CSMD1: variants seen among roughly 807,000 people sequenced by gnomAD.
The protein encoded by CSMD1 is CUB and sushi domain-containing protein 1.
A neutral mutation model predicts 417.5 loss-of-function variants in CSMD1; 213 were observed. The ratio of observed to expected loss-of-function variants is 0.51; its 90% CI spans 0.46 to 0.57. The LOEUF is 0.57. CSMD1 is among the 20% of genes least tolerant of loss of function. The pLI is 0.00. For synonymous variants in CSMD1, 2,862 were observed against 1,736.8 expected (o/e 1.65, Z -16.11); for missense variants, 6,923 against 4,529.7 (o/e 1.53, Z -15.17).
At chr8:3,478,250 G>A (rs933990140) in intron 11 of CSMD1, among the ~76,000 whole-genome samples, 21 of 152,176 alleles carry the variant, frequency 1.4e-4, no homozygotes, top group African/African-American at 5.1e-4. Flanking sequence ...ATTATAAATT[G>A]TTCACGTGCG....
intron 3 of CSMD1, among the ~76,000 whole-genome samples, chr8:4,125,094 G>C (rs35237037): frequency 0.36 from 52,948 of 149,046 alleles, 9,707 homozygotes; most frequent in Non-Finnish European, 0.4. Context: ...ATTCCTTGAA[G>C]CCGGTGAGAC....
At chr8:4,062,193 G>C (rs1037209289) in intron 3 of CSMD1, among the ~76,000 whole-genome samples, 1 of 152,106 alleles carries the variant, frequency 6.6e-6, no homozygotes, top group East Asian at 1.9e-4. Context: ...ACGGGAGTGA[G>C]GAAAGGCATT....
At chr8:4,342,539 G>C (rs1800539346) in intron 3 of CSMD1, among the ~76,000 whole-genome samples, 1 of 151,978 alleles carries the variant, frequency 6.6e-6, no homozygotes, top group African/African-American at 2.4e-5. Context: ...CCTGATGTAT[G>C]ACATTTGCCC....
intron 5 of CSMD1, among the ~76,000 whole-genome samples, chr8:3,935,255 A>G (rs1159056064): frequency 6.6e-6 from 1 of 152,216 alleles, no homozygotes; most frequent in African/African-American, 2.4e-5. Context: ...GAACAGAATC[A>G]TTATATGAAA....
At chr8:3,305,043 T>C (rs1490125060) in intron 25 of CSMD1, among the ~76,000 whole-genome samples, 4 of 152,150 alleles carry the variant, frequency 2.6e-5, no homozygotes, top group Admixed American at 2.6e-4. Context: ...TAATATTTAA[T>C]TTAATTAATT....
chr8:3,988,967 G>C (rs1814537065), intron 5 of CSMD1, among the ~76,000 whole-genome samples: 1 of 152,126 alleles, frequency 6.6e-6, no homozygotes, highest in Non-Finnish European at 1.5e-5. Flanking sequence ...AAGGTTATTT[G>C]CTGAACATAG....
chr8:3,727,678 C>G (rs1316465027), intron 6 of CSMD1, among the ~76,000 whole-genome samples: 1 of 152,114 alleles, frequency 6.6e-6, no homozygotes, highest in Non-Finnish European at 1.5e-5. Flanking sequence ...AAGTTTAAAA[C>G]AGCATTATTT....
At chr8:4,408,542 A>T (rs200695674) in intron 3 of CSMD1, among the ~76,000 whole-genome samples, 3 of 152,218 alleles carry the variant, frequency 2.0e-5, no homozygotes, top group Non-Finnish European at 2.9e-5. Flanking sequence ...AGATTTTCCT[A>T]TTTAGATTTA....
chr8:4,304,637 C>T (rs977364), intron 3 of CSMD1, among the ~76,000 whole-genome samples: 115,448 of 151,992 alleles, frequency 0.76, 43,927 homozygotes, highest in East Asian at 0.85. Flanking sequence ...ATTCCCCTCA[C>T]TGCTACTCAT....
At chr8:3,651,499 G>C (rs981142779) in intron 7 of CSMD1, among the ~76,000 whole-genome samples, 1 of 152,096 alleles carries the variant, frequency 6.6e-6, no homozygotes, top group African/African-American at 2.4e-5. Flanking sequence ...CCACTTATCT[G>C]CATAGCTGGC....
chr8:3,623,926 G>A (rs947004921), intron 7 of CSMD1, among the ~76,000 whole-genome samples: 3 of 151,956 alleles, frequency 2.0e-5, no homozygotes, highest in Admixed American at 1.3e-4. Flanking sequence ...GCAGTAAGCT[G>A]AGATTGCACC....
chr8:4,973,279 C>T (rs976562249), intron 1 of CSMD1, among the ~76,000 whole-genome samples: 3 of 152,074 alleles, frequency 2.0e-5, no homozygotes, highest in Non-Finnish European at 4.4e-5. Flanking sequence ...TTATCTCATT[C>T]GCTTTAGGTA....
chr8:4,831,816 C>G (rs906639311), intron 1 of CSMD1, among the ~76,000 whole-genome samples: 6 of 152,114 alleles, frequency 3.9e-5, no homozygotes, highest in African/African-American at 1.4e-4. Context: ...ATCTCCCACC[C>G]CCTCCCCTGA....
chr8:4,592,079 T>C (rs1217285877), intron 2 of CSMD1, among the ~76,000 whole-genome samples: 1 of 152,020 alleles, frequency 6.6e-6, no homozygotes, highest in African/African-American at 2.4e-5. Flanking sequence ...CGTCTAACAG[T>C]AGGGACATGC....
At chr8:4,388,993 G>C (rs907529892) in intron 3 of CSMD1, among the ~76,000 whole-genome samples, 1 of 152,098 alleles carries the variant, frequency 6.6e-6, no homozygotes, top group African/African-American at 2.4e-5. Flanking sequence ...CATGTTCTTT[G>C]TAATTGTTCA....
rs770558747 is a variant in CSMD1 at position 2,978,707 on chromosome 8, A to C, written c.8471T>G (p.Leu2824Arg). The change falls in exon 55 of 70, where the codon CTG becomes CGG. Residue 2824 changes from leucine (L) to arginine (R), a missense_variant. Leu to Arg is a moderately radical substitution (Grantham distance 102). Transcript: ENST00000635120. ...GTAAAATCCCTTCTTGCAATGGTAC[A>C]GGATACTCATTCCATACTCAAAACT... Reference protein sequence around the residue: ...PESFEYGMSILYHCKKGFYLL... With the variant: ...PESFEYGMSIRYHCKKGFYLL... The C allele has an allele frequency of 6.2e-7, 1 of 1,612,874 alleles. No individual in the cohort carries two copies. Among genetic ancestry groups the C allele is most frequent in the Non-Finnish European group, 8.5e-7 (1 of 1,179,512 alleles).
intron 2 of CSMD1, among the ~76,000 whole-genome samples, chr8:4,604,274 A>G (rs1047182628): frequency 6.6e-6 from 1 of 151,952 alleles, no homozygotes; most frequent in African/African-American, 2.4e-5. Flanking sequence ...TAAAGGTACA[A>G]TAGATATAAG....
chr8:3,984,795 G>C (rs547533433), intron 5 of CSMD1, among the ~76,000 whole-genome samples: 1 of 136,332 alleles, frequency 7.3e-6, no homozygotes, highest in Non-Finnish European at 1.6e-5. Context: ...GGGTGTAAAG[G>C]GAGATCACAC....
At chr8:3,044,693 G>A (rs547454345) in intron 50 of CSMD1, among the ~76,000 whole-genome samples, 1 of 152,178 alleles carries the variant, frequency 6.6e-6, no homozygotes, top group South Asian at 2.1e-4. Context: ...CAAGAAGGCG[G>A]CAAATGGAAG....
Sources: gnomAD v4.1 joint callset for allele counts (sites outside exome capture counted in the v4.1 genomes callset) on GRCh38, gnomAD v4.1.1 for gene constraint, MANE v1.5 for transcripts, NCBI Gene and HGNC (gene_info 2026-07-23, HGNC 2026-07-21) for gene names.